Variants in LRRTM4 observed in about 807,000 individuals in gnomAD.
LRRTM4 encodes leucine-rich repeat transmembrane neuronal protein 4.
A neutral mutation model predicts 47.6 loss-of-function variants in LRRTM4; 25 were observed. The observed-to-expected ratio is 0.53, with a 90% CI of 0.38 to 0.73. The LOEUF (loss-of-function observed/expected upper bound fraction) is 0.73. Ranked by LOEUF, LRRTM4 falls within the 30% of genes least tolerant of loss-of-function variation. The pLI, the probability that LRRTM4 is intolerant of heterozygous loss-of-function variation, is 0.00. For synonymous variants in LRRTM4, 311 were observed against 269.5 expected (o/e 1.15, Z -1.51); for missense variants, 638 against 713.4 (o/e 0.89, Z 1.20).
At chr2:76,885,615 G>A (rs931166849) in intron 3 of LRRTM4, among the ~76,000 whole-genome samples, 7 of 151,844 alleles carry the variant, frequency 4.6e-5, no homozygotes, top group South Asian at 2.1e-4. Flanking sequence ...AGCGCCCACC[G>A]CCACCACGTC....
chr2:77,115,260 C>G (rs1671358004), intron 3 of LRRTM4, among the ~76,000 whole-genome samples: 1 of 152,166 alleles, frequency 6.6e-6, no homozygotes, highest in South Asian at 2.1e-4. Context: ...GCAGTCAGAC[C>G]TTATGGTTAT....
chr2:77,094,671 C>CA (rs1275850245), intron 3 of LRRTM4, among the ~76,000 whole-genome samples: 8 of 152,124 alleles, frequency 5.3e-5, no homozygotes, highest in Non-Finnish European at 1.2e-4. Flanking sequence ...CTCCCAAACA[C>CA]ACATTGGGTC....
chr2:76,796,660 G>T (rs6707537), intron 3 of LRRTM4, among the ~76,000 whole-genome samples: 1 of 85,346 alleles, frequency 1.2e-5, no homozygotes. Context: ...TCCCATCTGT[G>T]CATCACCATC....
Position 77,400,699 on chromosome 2 carries a change from G to A in LRRTM4, c.1551+117619C>T, listed in dbSNP as rs189546790. Among the ~76,000 whole-genome samples, 65 of 151,836 alleles carry A rather than the reference G, an allele frequency of 4.3e-4. 1 individual carries two copies. The highest frequency in any genetic ancestry group is 8.3e-4 in the South Asian group (4 of 4,818). On this transcript the variant is annotated intron_variant, in intron 3 of 3. Transcript: ENST00000409884. ...TAGCCCTGAATAGGTGCTCAAGTTC[G>A]GCAGCCTCTTTAATCTCTTTGCTCT... is the stretch of plus-strand genomic sequence containing the variant.
chr2:76,974,708 T>A (rs1676359378), intron 3 of LRRTM4, among the ~76,000 whole-genome samples: 1 of 151,712 alleles, frequency 6.6e-6, no homozygotes, highest in African/African-American at 2.4e-5. Flanking sequence ...TTTGAGAGAA[T>A]TAATTCAAAT....
At chr2:77,437,811 C>G (rs1030470290) in intron 3 of LRRTM4, among the ~76,000 whole-genome samples, 1 of 151,908 alleles carries the variant, frequency 6.6e-6, no homozygotes, top group African/African-American at 2.4e-5. Flanking sequence ...TAAATAAAGA[C>G]CTATTTGCTG....
intron 3 of LRRTM4, chr2:77,516,868 A>C: frequency 1.0e-6 from 1 of 984,914 alleles, no homozygotes; most frequent in Non-Finnish European, 1.2e-6. Context: ...GTCTGAAAAC[A>C]TTTTCATTAG....
intron 3 of LRRTM4, among the ~76,000 whole-genome samples, chr2:77,064,121 A>T (rs1403815247): frequency 6.6e-6 from 1 of 152,152 alleles, no homozygotes; most frequent in Non-Finnish European, 1.5e-5. Context: ...ATTTAAAAGA[A>T]ATTTATTGGG....
intron 3 of LRRTM4, among the ~76,000 whole-genome samples, chr2:77,308,439 C>T (rs1016553110): frequency 1.3e-5 from 2 of 151,914 alleles, no homozygotes; most frequent in Admixed American, 6.6e-5. Flanking sequence ...AATTTTAGCT[C>T]GAATATTATC....
intron 3 of LRRTM4, among the ~76,000 whole-genome samples, chr2:76,898,324 C>A (rs995603247): frequency 6.6e-6 from 1 of 151,984 alleles, no homozygotes; most frequent in South Asian, 2.1e-4. Flanking sequence ...TGGAAATCAG[C>A]AGATTACATA....
At chr2:77,438,676 G>A (rs879937515) in intron 3 of LRRTM4, among the ~76,000 whole-genome samples, 8 of 152,074 alleles carry the variant, frequency 5.3e-5, no homozygotes, top group Non-Finnish European at 1.0e-4. Flanking sequence ...AAAGGGCTGG[G>A]ATTACAGGCG....
At chr2:76,916,207 A>C (rs1223352294) in intron 3 of LRRTM4, among the ~76,000 whole-genome samples, 1 of 151,934 alleles carries the variant, frequency 6.6e-6, no homozygotes, top group African/African-American at 2.4e-5. Context: ...CATGAACACA[A>C]GTTTAAAAAA....
intron 3 of LRRTM4, among the ~76,000 whole-genome samples, chr2:77,349,295 T>C (rs1187088531): frequency 2.0e-5 from 3 of 151,440 alleles, no homozygotes; most frequent in Non-Finnish European, 4.4e-5. Context: ...GAAAAACAGA[T>C]GGGAATAAAA....
chr2:77,053,071 G>A (rs1193744584), intron 3 of LRRTM4, among the ~76,000 whole-genome samples: 2 of 152,050 alleles, frequency 1.3e-5, no homozygotes, highest in Admixed American at 6.6e-5. Context: ...ATTTGAGAGC[G>A]ATAAAGAAGT....
intron 3 of LRRTM4, among the ~76,000 whole-genome samples, chr2:77,030,277 A>C (rs1678607855): frequency 6.6e-6 from 1 of 151,824 alleles, no homozygotes. Context: ...CTAAAAATAC[A>C]AAAAAAATTA....
At chr2:76,798,187 C>T (rs1675457563) in intron 3 of LRRTM4, among the ~76,000 whole-genome samples, 1 of 151,934 alleles carries the variant, frequency 6.6e-6, no homozygotes, top group South Asian at 2.1e-4. Context: ...CAAAATTGAC[C>T]ACATACTTGG....
chr2:76,815,337 G>T (rs552307069), intron 3 of LRRTM4, among the ~76,000 whole-genome samples: 2 of 152,116 alleles, frequency 1.3e-5, no homozygotes, highest in South Asian at 4.1e-4. Context: ...TGATAGGGAG[G>T]GGCCTGGCTC....
chr2:77,073,473 ATTTGT>A (rs1680230708), intron 3 of LRRTM4, among the ~76,000 whole-genome samples: 2 of 151,892 alleles, frequency 1.3e-5, no homozygotes, highest in Non-Finnish European at 2.9e-5. Flanking sequence ...CCTTTCCATT[ATTTGT>A]TTTTTCTATG....
At chr2:77,140,944 A>G (rs1199951960) in intron 3 of LRRTM4, among the ~76,000 whole-genome samples, 1 of 152,178 alleles carries the variant, frequency 6.6e-6, no homozygotes, top group Non-Finnish European at 1.5e-5. Flanking sequence ...ACCAGTTAGA[A>G]TGGTGATCAT....
Sources: gnomAD v4.1 joint callset for allele counts (sites outside exome capture counted in the v4.1 genomes callset) on GRCh38, gnomAD v4.1.1 for gene constraint, MANE v1.5 for transcripts, NCBI Gene and HGNC (gene_info 2026-07-23, HGNC 2026-07-21) for gene names.